The following PITPNA variants were observed in gnomAD, a reference collection of about 807,000 sequenced individuals.
PITPNA encodes phosphatidylinositol transfer protein alpha.
PITPNA carries 13 observed loss-of-function variants against 50.3 expected under a neutral mutation model. That is an observed-to-expected ratio of 0.26 (90% CI 0.17 to 0.41). The LOEUF is 0.41. Among genes scored for constraint, PITPNA ranks in the 10% least tolerant of loss-of-function variants. The pLI, the probability that PITPNA is intolerant of heterozygous loss-of-function variation, is 1.00. For missense variants in PITPNA, 207 were observed against 333.4 expected (o/e 0.62, Z 2.95); for synonymous variants, 120 against 119.6 (o/e 1.00, Z -0.02).
At chr17:1,553,670 G>A (rs964200238) in intron 2 of PITPNA, among the ~76,000 whole-genome samples, 5 of 152,308 alleles carry the variant, frequency 3.3e-5, no homozygotes, top group South Asian at 4.1e-4. Flanking sequence ...GAAGACCTAG[G>A]TTGGTTGCTA....
chr17:1,545,181 C>T lies in PITPNA; in HGVS notation c.290-2154G>A, dbSNP rs554539229. Reference sequence around the variant, plus strand: ...CACTTCCAGCCCATCCCATCAGCTTCAAGGGAAAAAGAGAGAGGGAAACAA... The same window carrying T: ...CACTTCCAGCCCATCCCATCAGCTTTAAGGGAAAAAGAGAGAGGGAAACAA... On this transcript the variant is annotated intron_variant, in intron 4 of 11. Transcript: ENST00000313486. Among the ~76,000 whole-genome samples the T allele has an allele frequency of 2.1e-4, 32 of 152,154 alleles. 1 individual carries two copies. In the South Asian group the frequency reaches 6.0e-3, roughly 29 times the overall value.
At chr17:1,548,916 G>C (rs910342033) in intron 3 of PITPNA, among the ~76,000 whole-genome samples, 2 of 151,854 alleles carry the variant, frequency 1.3e-5, no homozygotes, top group African/African-American at 2.4e-5. Context: ...TTGTTTGTTT[G>C]TTTGAGACGG....
At chr17:1,555,978 C>T (rs1476195600) in intron 2 of PITPNA, among the ~76,000 whole-genome samples, 1 of 152,202 alleles carries the variant, frequency 6.6e-6, no homozygotes, top group East Asian at 1.9e-4. Flanking sequence ...CTTCTCTTTC[C>T]CTTTCTTCAC....
At chr17:1,536,425 C>G (rs1006661974) in intron 7 of PITPNA, among the ~76,000 whole-genome samples, 5 of 148,732 alleles carry the variant, frequency 3.4e-5, no homozygotes, top group Non-Finnish European at 6.0e-5. Context: ...GCAACTGGGA[C>G]GACAGGTGCC....
intron 4 of PITPNA, 112 bp from the exon 5 acceptor site, chr17:1,543,139 C>G: frequency 5.0e-6 from 4 of 795,322 alleles, no homozygotes; most frequent in Non-Finnish European, 8.1e-6. Context: ...TACTTTACTC[C>G]CTGTGGCTTA....
chr17:1,550,471 C>T (rs1387774707), intron 3 of PITPNA, among the ~76,000 whole-genome samples: 4 of 151,794 alleles, frequency 2.6e-5, no homozygotes, highest in South Asian at 2.1e-4. Context: ...TCAGAGTAAC[C>T]GGTGCAGGTA....
intron 7 of PITPNA, among the ~76,000 whole-genome samples, chr17:1,538,182 C>A (rs2075629221): frequency 6.6e-6 from 1 of 152,210 alleles, no homozygotes; most frequent in South Asian, 2.1e-4. Flanking sequence ...CATTCCCTAT[C>A]AGTGGGCAGA....
At chr17:1,536,683 T>C (rs545695108) in intron 7 of PITPNA, among the ~76,000 whole-genome samples, 1 of 152,118 alleles carries the variant, frequency 6.6e-6, no homozygotes, top group East Asian at 1.9e-4. Context: ...AACTTCCACC[T>C]CCTGGGTTCA....
At chr17:1,539,420 C>T (rs963329928) in intron 6 of PITPNA, among the ~76,000 whole-genome samples, 1 of 151,426 alleles carries the variant, frequency 6.6e-6, no homozygotes, top group African/African-American at 2.4e-5. Context: ...TCACAGCCTC[C>T]TGAGGAGCTG....
At chr17:1,546,117 C>T (rs1226071754) in intron 4 of PITPNA, among the ~76,000 whole-genome samples, 4 of 151,728 alleles carry the variant, frequency 2.6e-5, no homozygotes, top group African/African-American at 7.3e-5. Context: ...TTAGTAGAAA[C>T]GGGGTTTCAC....
chr17:1,522,071 C>CTTTTCTTTTT (rs751204255), intron 10 of PITPNA, among the ~76,000 whole-genome samples: 13 of 141,648 alleles, frequency 9.2e-5, no homozygotes, highest in East Asian at 2.0e-4. Flanking sequence ...TATGAAACAT[C>CTTTTCTTTTT]TTTTTTTTTT....
chr17:1,551,616 A>G (rs532018020), intron 3 of PITPNA, among the ~76,000 whole-genome samples: 1 of 152,324 alleles, frequency 6.6e-6, no homozygotes, highest in South Asian at 2.1e-4. Context: ...TTTCATATGT[A>G]GAGACCTCGT....
chr17:1,548,885 C>A (rs980804193), intron 3 of PITPNA, among the ~76,000 whole-genome samples: 1 of 152,154 alleles, frequency 6.6e-6, no homozygotes, highest in Non-Finnish European at 1.5e-5. Context: ...AAAGTATTTT[C>A]TTCTACTCAA....
At chr17:1,536,401 C>T (rs1445770963) in intron 7 of PITPNA, among the ~76,000 whole-genome samples, 1 of 151,260 alleles carries the variant, frequency 6.6e-6, no homozygotes, top group East Asian at 1.9e-4. Flanking sequence ...CATTCTCCTG[C>T]CTCAGCCTCC....
intron 5 of PITPNA, among the ~76,000 whole-genome samples, chr17:1,541,971 G>A (rs981420199): frequency 1.3e-5 from 2 of 151,920 alleles, no homozygotes; most frequent in East Asian, 1.9e-4. Context: ...AGGCCGAGGC[G>A]GGCGGATCAC....
At chr17:1,536,980 C>A (rs1276662205) in intron 7 of PITPNA, among the ~76,000 whole-genome samples, 3 of 149,628 alleles carry the variant, frequency 2.0e-5, no homozygotes, top group East Asian at 2.0e-4. Context: ...CTCAATGGAA[C>A]CTCCGCCTCC....
At chr17:1,524,260 G>A (rs1347167566) in intron 10 of PITPNA, among the ~76,000 whole-genome samples, 1 of 147,770 alleles carries the variant, frequency 6.8e-6, no homozygotes, top group African/African-American at 2.5e-5. Flanking sequence ...TAGCCAGGAT[G>A]GTCTCCATGT....
rs985512934 is a variant in PITPNA at position 1,517,834 on chromosome 17, C to G, written c.*2727G>C. ...CAATGTTTGCATAAGTAAACTGACA[C>G]GGGACTATTATATGCAGAAATCCAC... is the stretch of plus-strand genomic sequence containing the variant. On this transcript the variant is annotated 3_prime_UTR_variant, in exon 12 of 12. Transcript: ENST00000313486. The G allele has an allele frequency of 6.6e-6, 1 of 152,318 alleles. No homozygotes were observed. The highest frequency in any genetic ancestry group is 2.4e-5 in the African/African-American group (1 of 41,416). 9.4% of individuals were successfully genotyped at this position (152,318 alleles called of 1,614,324 possible).
At position 1,543,002 on chromosome 17, in the gene PITPNA, C is replaced by T. The variant is rs770328398; in HGVS notation, c.297+18G>A. ...CTTATACATCATCTACAGTTCCAAC[C>T]CCCTTGACAATACTTACTGTAATAA... is the stretch of plus-strand genomic sequence containing the variant. On this transcript the variant is annotated intron_variant, in intron 5 of 11. Transcript: ENST00000313486. 37 of 1,577,286 alleles carry T rather than the reference C, an allele frequency of 2.3e-5. No individual in the cohort carries two copies. Among genetic ancestry groups the T allele is most frequent in the Non-Finnish European group, 2.9e-5 (34 of 1,161,674 alleles).
Sources: allele counts gnomAD v4.1 joint callset (sites outside exome capture counted in the v4.1 genomes callset), GRCh38; gene constraint gnomAD v4.1.1; transcripts MANE v1.5; gene names NCBI Gene and HGNC (gene_info 2026-07-23, HGNC 2026-07-21).